Variants in TJP1 observed in about 807,000 individuals in gnomAD.
The protein encoded by TJP1 is tight junction protein 1, also known as tight junction protein ZO-1.
TJP1 carries 43 observed loss-of-function variants against 194.2 expected under a neutral mutation model. The observed-to-expected ratio is 0.22, with a 90% CI of 0.17 to 0.29. TJP1 has a LOEUF of 0.29. Among genes scored for constraint, TJP1 ranks in the 10% least tolerant of loss-of-function variants. The probability of loss-of-function intolerance (pLI) is 1.00; values close to 1 mark genes in which losing one functional copy is unlikely to be tolerated. For missense variants in TJP1, 1,971 were observed against 2,185.7 expected, an observed-to-expected ratio of 0.90 and a Z score of 1.96; for synonymous variants, 801 against 779.0, an observed-to-expected ratio of 1.03 and a Z score of -0.47.
At chr15:29,800,555 TG>T in intron 2 of TJP1, 90 bp downstream of exon 2, 1 of 1,293,854 alleles carries the variant, frequency 7.7e-7, no homozygotes, top group South Asian at 1.3e-5. Flanking sequence ...CTCCTCCCTC[TG>T]GCTTCCTGAC....
intron 2 of TJP1, among the ~76,000 whole-genome samples, chr15:29,945,676 T>C (rs1400736462): frequency 3.3e-5 from 5 of 151,960 alleles, no homozygotes. Context: ...CAGGGAAAGC[T>C]AGGTTTCTCA....
intron 2 of TJP1, among the ~76,000 whole-genome samples, chr15:29,789,982 G>A (rs2047964842): frequency 6.6e-6 from 1 of 152,162 alleles, no homozygotes; most frequent in Non-Finnish European, 1.5e-5. Flanking sequence ...AAGAATCTCT[G>A]ATGGGCAGGG....
At chr15:29,767,868 T>C (rs1401873910) in intron 4 of TJP1, among the ~76,000 whole-genome samples, 4 of 152,192 alleles carry the variant, frequency 2.6e-5, no homozygotes, top group Non-Finnish European at 4.4e-5. Flanking sequence ...AACAAAACCC[T>C]TGTATTTGAG....
intron 8 of TJP1, among the ~76,000 whole-genome samples, chr15:29,744,813 C>T (rs944008483): frequency 6.6e-6 from 1 of 152,060 alleles, no homozygotes; most frequent in African/African-American, 2.4e-5. Context: ...CAATCTGAGG[C>T]TACCAGAACC....
intron 2 of TJP1, among the ~76,000 whole-genome samples, chr15:29,834,503 C>T (rs1160575788): frequency 6.6e-6 from 1 of 152,222 alleles, no homozygotes; most frequent in Non-Finnish European, 1.5e-5. Flanking sequence ...CAGGCATGAG[C>T]CACCGCACAG....
chr15:29,753,747 A>T (rs1337759512), intron 8 of TJP1, among the ~76,000 whole-genome samples: 1 of 151,816 alleles, frequency 6.6e-6, no homozygotes, highest in Non-Finnish European at 1.5e-5. Context: ...CTCGCTGATT[A>T]ACCATTGAAA....
chr15:29,730,521 CAT>C (rs1189197163), intron 15 of TJP1, among the ~76,000 whole-genome samples: 1 of 151,762 alleles, frequency 6.6e-6, no homozygotes, highest in Admixed American at 6.6e-5. Flanking sequence ...TGCTTGAACC[CAT>C]GAGTTTGGGA....
At chr15:29,787,454 A>T (rs952184874) in intron 2 of TJP1, among the ~76,000 whole-genome samples, 1 of 152,184 alleles carries the variant, frequency 6.6e-6, no homozygotes, top group African/African-American at 2.4e-5. Flanking sequence ...ATTGGACCCC[A>T]TCAAAATTTT....
intron 2 of TJP1, among the ~76,000 whole-genome samples, chr15:29,893,177 A>G (rs1245142354): frequency 1.3e-5 from 2 of 152,176 alleles, no homozygotes; most frequent in African/African-American, 4.8e-5. Flanking sequence ...ATATCAAGAG[A>G]ACTAGAATTA....
chr15:29,774,315 A>G (rs1371971584), intron 2 of TJP1, among the ~76,000 whole-genome samples: 2 of 145,300 alleles, frequency 1.4e-5, no homozygotes, highest in Non-Finnish European at 3.0e-5. Context: ...GTAGCAAAAG[A>G]AAAAAAAAAA....
intron 23 of TJP1, among the ~76,000 whole-genome samples, chr15:29,715,160 T>A (rs1206544362): frequency 6.6e-6 from 1 of 152,150 alleles, no homozygotes; most frequent in Non-Finnish European, 1.5e-5. Flanking sequence ...TGGGTTTTGT[T>A]CTGTTGAGGT....
In TJP1 at chr15:29,712,767, A is replaced by C. The variant is rs143643408; in HGVS notation, c.4203-1767T>G. Reference sequence around the variant, plus strand: ...TCAAATCAAAGAGTGGTGATCAAGGATAATTAGCAGGTTCTGAATAAGTGG... The same window carrying C: ...TCAAATCAAAGAGTGGTGATCAAGGCTAATTAGCAGGTTCTGAATAAGTGG... On this transcript the variant is annotated intron_variant, in intron 23 of 27. Transcript: ENST00000614355. Among the ~76,000 whole-genome samples, 647 of 151,842 alleles carry C rather than the reference A, an allele frequency of 4.3e-3. 2 individuals carry two copies. The highest frequency in any genetic ancestry group is 6.8e-3 in the Middle Eastern group (2 of 292).
chr15:29,815,081 C>G (rs1042107080), intron 1 of TJP1, among the ~76,000 whole-genome samples: 1 of 152,118 alleles, frequency 6.6e-6, no homozygotes, highest in Admixed American at 6.5e-5. Flanking sequence ...ACTCCCTACC[C>G]ACGTATTCCC....
chr15:29,918,984 C>A (rs2054273322), intron 2 of TJP1, among the ~76,000 whole-genome samples: 1 of 152,114 alleles, frequency 6.6e-6, no homozygotes, highest in Admixed American at 6.5e-5. Flanking sequence ...TTCCAAGAGG[C>A]TTGCAAAGAT....
intron 1 of TJP1, chr15:29,968,398 G>T: frequency 2.0e-6 from 2 of 985,260 alleles, no homozygotes; most frequent in Non-Finnish European, 2.4e-6. Context: ...CAGGCGTCCC[G>T]GCCGCTCCCC....
At chr15:29,803,873 C>T (rs907669743) in intron 1 of TJP1, among the ~76,000 whole-genome samples, 1 of 152,002 alleles carries the variant, frequency 6.6e-6, no homozygotes, top group East Asian at 1.9e-4. Context: ...CTCTGTTAAA[C>T]ATCAATTATA....
chr15:29,708,466 G>T, intron 25 of TJP1, 93 bp downstream of exon 25: 1 of 1,029,632 alleles, frequency 9.7e-7, no homozygotes, highest in South Asian at 1.5e-5. Context: ...GAGTTAAAAA[G>T]ATCACTTTAA....
intron 2 of TJP1, among the ~76,000 whole-genome samples, chr15:29,925,210 C>T (rs2054488201): frequency 1.3e-5 from 2 of 152,224 alleles, no homozygotes; most frequent in Admixed American, 1.3e-4. Flanking sequence ...ACACTTTCTG[C>T]AGGCTGGGTA....
chr15:29,926,910 A>T (rs1281269606), intron 2 of TJP1, among the ~76,000 whole-genome samples: 1 of 152,194 alleles, frequency 6.6e-6, no homozygotes. Context: ...TTGCCTGAAA[A>T]ATTACCCTAG....
Sources: allele counts gnomAD v4.1 joint callset (sites outside exome capture counted in the v4.1 genomes callset), GRCh38; gene constraint gnomAD v4.1.1; transcripts MANE v1.5; gene names NCBI Gene and HGNC (gene_info 2026-07-23, HGNC 2026-07-21).